Variants in GCNT1 observed in about 807,000 individuals in gnomAD.
GCNT1 encodes glucosaminyl (N-acetyl) transferase 1.
A neutral mutation model predicts 26.2 loss-of-function variants in GCNT1; 16 were observed. The observed-to-expected ratio is 0.61, with a 90% CI of 0.41 to 0.93. GCNT1 has a LOEUF of 0.93. Among genes scored for constraint, GCNT1 ranks in the 40% least tolerant of loss-of-function variants. GCNT1 has a pLI of 0.00. For synonymous variants in GCNT1, 183 were observed against 190.8 expected (o/e 0.96, Z 0.34); for missense variants, 477 against 526.7 (o/e 0.91, Z 0.92).
intron 1 of GCNT1, among the ~76,000 whole-genome samples, chr9:76,431,303 C>G (rs1352048820): frequency 1.3e-5 from 2 of 152,242 alleles, no homozygotes; most frequent in African/African-American, 2.4e-5. Flanking sequence ...GATGCCAGCC[C>G]TTAGCAGGGA....
chr9:76,456,543 A>T (rs924158539), upstream of GCNT1, among the ~76,000 whole-genome samples: 13 of 152,150 alleles, frequency 8.5e-5, no homozygotes, highest in Non-Finnish European at 7.3e-5. Flanking sequence ...AATCTTCATG[A>T]CCTTAAATTC....
At chr9:76,434,324 C>T (rs1823377537) in intron 1 of GCNT1, among the ~76,000 whole-genome samples, 1 of 152,118 alleles carries the variant, frequency 6.6e-6, no homozygotes, top group African/African-American at 2.4e-5. Context: ...AGGTCATGTT[C>T]AGGACTCACT....
chr9:76,441,377 T>C (rs557836822), upstream of GCNT1, among the ~76,000 whole-genome samples: 29 of 152,166 alleles, frequency 1.9e-4, no homozygotes, highest in African/African-American at 6.5e-4. Flanking sequence ...AACTCCTGAC[T>C]TCAGGTGATC....
At chr9:76,447,891 G>C (rs1164328732) in intron 1 of GCNT1, among the ~76,000 whole-genome samples, 1 of 141,340 alleles carries the variant, frequency 7.1e-6, no homozygotes, top group East Asian at 1.9e-4. Flanking sequence ...TGCTGTGCTG[G>C]ATTCCTGAAA....
chr9:76,493,907 T>C (rs190229513), intron 2 of GCNT1, among the ~76,000 whole-genome samples: 363 of 152,108 alleles, frequency 2.4e-3, no homozygotes, highest in African/African-American at 7.8e-3. Context: ...AGAGAGAGAA[T>C]ATTGGGGCCA....
At chr9:76,394,936 G>A in the GCNT1 span, among the ~76,000 whole-genome samples, 12 of 152,170 alleles carry the variant, frequency 7.9e-5, no homozygotes, top group African/African-American at 2.9e-4. Context: ...AGAAGCGGTC[G>A]TCCTCCAGGA....
chr9:76,502,179 GTATA>G (rs59104914), intron 3 of GCNT1, 56 bp from the exon 4 acceptor site: 27,431 of 154,130 alleles, frequency 0.18, 2,670 homozygotes, highest in Admixed American at 0.24. Context: ...CTCTCTCTCT[GTATA>G]TATATATATA....
chr9:76,450,159 C>T (rs13294840), intron 1 of GCNT1, among the ~76,000 whole-genome samples: 26,515 of 152,144 alleles, frequency 0.17, 2,449 homozygotes, highest in South Asian at 0.23. Flanking sequence ...TTCCCGCCAT[C>T]CCCACCCTAT....
At chr9:76,493,047 A>G (rs1013657872) in intron 2 of GCNT1, among the ~76,000 whole-genome samples, 4 of 152,284 alleles carry the variant, frequency 2.6e-5, no homozygotes, top group South Asian at 2.1e-4. Flanking sequence ...ACAGGGGAGT[A>G]TATTTTCTTA....
At chr9:76,497,628 A>G (rs1020917868) in intron 2 of GCNT1, among the ~76,000 whole-genome samples, 5 of 152,202 alleles carry the variant, frequency 3.3e-5, no homozygotes, top group Non-Finnish European at 7.3e-5. Flanking sequence ...GTAAAGACCT[A>G]TGCCTTTTTT....
At chr9:76,484,001 ACT>A (rs142114819) in intron 2 of GCNT1, among the ~76,000 whole-genome samples, 4,291 of 152,250 alleles carry the variant, frequency 0.028, 197 homozygotes, top group African/African-American at 0.098. Context: ...TTATTTCAGC[ACT>A]GTTTATACTT....
intron 1 of GCNT1, among the ~76,000 whole-genome samples, chr9:76,420,961 AG>A (rs982508827): frequency 6.0e-5 from 9 of 151,180 alleles, no homozygotes; most frequent in Non-Finnish European, 1.0e-4. Context: ...AAAAAAAAAA[AG>A]AATCCACTAT....
At chr9:76,483,330 A>T (rs1225000490) in intron 2 of GCNT1, among the ~76,000 whole-genome samples, 1 of 152,082 alleles carries the variant, frequency 6.6e-6, no homozygotes, top group Non-Finnish European at 1.5e-5. Flanking sequence ...GTGTATTTTC[A>T]TATCTCTAAA....
chr9:76,503,637 G>GA lies in GCNT1; in HGVS notation c.1257dup (p.His420ThrfsTer68). 1 of 1,613,932 alleles carries GA rather than the reference G, an allele frequency of 6.2e-7. No homozygotes were observed. Among genetic ancestry groups the GA allele is most frequent in the Non-Finnish European group, 8.5e-7 (1 of 1,179,988 alleles). On this transcript the variant is annotated frameshift_variant, in exon 4 of 4. Transcript: ENST00000376730. LOFTEE classifies it high-confidence loss of function. The stretch of plus-strand genomic sequence containing the variant: ...ATCCAGTGTTTGGATGAGCATTTGA[G>GA]ACACAAAGCTTTGGAGACATTAAAA...
upstream of GCNT1, among the ~76,000 whole-genome samples, chr9:76,416,572 C>T (rs576090944): frequency 1.3e-5 from 2 of 152,376 alleles, no homozygotes; most frequent in African/African-American, 4.8e-5. Context: ...TGCCTGCACG[C>T]TCCCCCTCCT....
At chr9:76,395,475 A>C in the GCNT1 span, among the ~76,000 whole-genome samples, 1 of 152,052 alleles carries the variant, frequency 6.6e-6, no homozygotes, top group Non-Finnish European at 1.5e-5. Context: ...TATTCCCAGT[A>C]GTTTGAGAGG....
At chr9:76,485,141 T>C (rs1216134694) in intron 2 of GCNT1, among the ~76,000 whole-genome samples, 1 of 152,040 alleles carries the variant, frequency 6.6e-6, no homozygotes. Context: ...TTGTACTCAA[T>C]GGCATTTTTT....
In GCNT1 at chr9:76,502,991, T is replaced by C; in HGVS notation, c.610T>C (p.Tyr204His). The change falls in exon 4 of 4, where the codon TAT becomes CAT. Residue 204 changes from tyrosine (Y) to histidine (H), a missense_variant. Tyr to His is a moderately conservative substitution (Grantham distance 83, BLOSUM62 2). Coordinates refer to ENST00000376730, the MANE Select transcript of GCNT1 (RefSeq NM_001490.5). ...QADLNCMKDL[Y>H]AMSANWKYLI... ...TGACCTCAACTGCATGAAGGATCTC[T>C]ATGCAATGAGTGCAAACTGGAAGTA... The C allele has an allele frequency of 6.2e-7, 1 of 1,613,128 alleles. No homozygotes were observed. The highest frequency in any genetic ancestry group is 8.5e-7 in the Non-Finnish European group (1 of 1,179,608).
chr9:76,440,150 A>G (rs1253891725), upstream of GCNT1, among the ~76,000 whole-genome samples: 1 of 151,754 alleles, frequency 6.6e-6, no homozygotes, highest in Admixed American at 6.6e-5. Flanking sequence ...AAACCTTTTG[A>G]GGTATCTCAT....
Sources: gnomAD v4.1 joint callset for allele counts (sites outside exome capture counted in the v4.1 genomes callset) on GRCh38, gnomAD v4.1.1 for gene constraint, MANE v1.5 for transcripts, NCBI Gene and HGNC (gene_info 2026-07-23, HGNC 2026-07-21) for gene names.